Variants in MORC1 observed in about 807,000 individuals in gnomAD.
MORC1 encodes MORC family CW-type zinc finger protein 1.
In MORC1, 59 loss-of-function variants were observed where a neutral mutation model predicts 134.9. That is an observed-to-expected ratio of 0.44 (90% confidence interval 0.35 to 0.54). The LOEUF (loss-of-function observed/expected upper bound fraction) is 0.54. MORC1 is among the 20% of genes least tolerant of loss of function. The probability of loss-of-function intolerance (pLI) is 0.00; values close to 1 mark genes in which losing one functional copy is unlikely to be tolerated. For missense variants in MORC1, 947 were observed against 1,134.5 expected (o/e 0.83, Z 2.37); for synonymous variants, 395 against 391.7 (o/e 1.01, Z -0.10).
rs757895056 is a variant in MORC1 at position 109,027,877 on chromosome 3, T to C, written c.1578A>G (p.Val526=). 2 of 1,613,354 alleles carry C rather than the reference T, an allele frequency of 1.2e-6. No homozygotes were observed. Among genetic ancestry groups the C allele is most frequent in the Admixed American group, 3.3e-5 (2 of 59,874 alleles). The stretch of plus-strand genomic sequence containing the variant: ...CCAGTGGGATGGAAGGTAGACATTC[T>C]ACCTGATGACAACTTCAGAATCAAC... The part of the protein sequence containing the change: ...PNRLENSCHQ[V]ECLPSIPLGT... The change falls in exon 17 of 28, where the codon GTA becomes GTG. Residue 526 remains valine (V), a synonymous_variant. Transcript: ENST00000232603.
At chr3:109,073,009 G>C (rs887819847) in intron 8 of MORC1, among the ~76,000 whole-genome samples, 2 of 151,706 alleles carry the variant, frequency 1.3e-5, no homozygotes, top group African/African-American at 4.9e-5. Context: ...TGTGGGGAAA[G>C]AGGAGAGTAT....
At chr3:108,979,104 C>T (rs1947641454) in intron 24 of MORC1, among the ~76,000 whole-genome samples, 1 of 152,104 alleles carries the variant, frequency 6.6e-6, no homozygotes, top group Non-Finnish European at 1.5e-5. Flanking sequence ...CAAATGTTAA[C>T]ATTCTACACA....
Position 109,027,828 on chromosome 3 carries a change from A to G in MORC1, c.1627T>C (p.Ser543Pro). Residue 543 changes from serine to proline, a missense_variant, in exon 17 of 28, where the codon TCA (serine) becomes CCA (proline). Around this residue, in one of 3 missense-constraint regions of MORC1, gnomAD observed 722 missense variants for 817.0 expected, o/e 0.88. Transcript: ENST00000232603. ...PLGTMSTISPSKNEKEKQLRE... is the reference protein window; with the variant it reads ...PLGTMSTISPPKNEKEKQLRE... ...AGTTGCTTCTCTTTCTCATTTTTTG[A>G]TGGTGATATTGTGCTCATGGTGCCC... 1 of 1,613,634 alleles carries G rather than the reference A, an allele frequency of 6.2e-7. No individual in the cohort carries two copies. Among genetic ancestry groups the G allele is most frequent in the Non-Finnish European group, 8.5e-7 (1 of 1,179,784 alleles).
intron 8 of MORC1, among the ~76,000 whole-genome samples, chr3:109,079,258 A>G (rs550128744): frequency 6.6e-6 from 1 of 152,272 alleles, no homozygotes; most frequent in South Asian, 2.1e-4. Flanking sequence ...ATGTAAAAGA[A>G]TAATACATCA....
intron 22 of MORC1, 136 bp from the exon 23 acceptor site, chr3:108,984,918 C>T (rs1427430949): frequency 2.2e-5 from 14 of 623,990 alleles, no homozygotes. Flanking sequence ...AAAACTGTAC[C>T]AGTTGTAACG....
chr3:109,026,638 G>A (rs886152817), intron 17 of MORC1, among the ~76,000 whole-genome samples: 2 of 152,108 alleles, frequency 1.3e-5, no homozygotes, highest in Non-Finnish European at 2.9e-5. Flanking sequence ...TGGTAAATAA[G>A]AAACAAAATT....
intron 14 of MORC1, among the ~76,000 whole-genome samples, chr3:109,053,851 G>A (rs968446854): frequency 1.3e-5 from 2 of 152,082 alleles, no homozygotes; most frequent in Non-Finnish European, 2.9e-5. Flanking sequence ...TGAGGAGTGA[G>A]GTGATCTAAA....
At chr3:108,980,241 T>A (rs1458556613) in intron 23 of MORC1, among the ~76,000 whole-genome samples, 1 of 152,190 alleles carries the variant, frequency 6.6e-6, no homozygotes, top group Non-Finnish European at 1.5e-5. Context: ...GAGGGCAAGT[T>A]CATGTAACTT....
At chr3:109,097,870 T>C (rs1482795877) in intron 6 of MORC1, among the ~76,000 whole-genome samples, 1 of 152,158 alleles carries the variant, frequency 6.6e-6, no homozygotes, top group African/African-American at 2.4e-5. Flanking sequence ...AATATTGTCA[T>C]AGCTAAAATT....
intron 17 of MORC1, among the ~76,000 whole-genome samples, chr3:109,025,691 T>A (rs1247480998): frequency 6.6e-6 from 1 of 152,154 alleles, no homozygotes; most frequent in African/African-American, 2.4e-5. Context: ...CACCCCTATA[T>A]AACTTTCTTT....
At chr3:109,106,339 T>C (rs1377624142) in intron 3 of MORC1, among the ~76,000 whole-genome samples, 1 of 152,182 alleles carries the variant, frequency 6.6e-6, no homozygotes, top group African/African-American at 2.4e-5. Context: ...AGACCAAAGA[T>C]TCCCATCAGA....
rs1262442134 is a variant in MORC1, at chr3:109,027,771, G to C, written c.1684C>G (p.Leu562Val). ...RESVIKYQNR[L>V]AEQQPQPQFI... ...CTCACCTGTGGCTGCTGTTCTGCCAGTCTATTTTGATACTTTATGACCGAC... is the reference window on the plus strand; with the variant it reads ...CTCACCTGTGGCTGCTGTTCTGCCACTCTATTTTGATACTTTATGACCGAC... Residue 562 changes from leucine (L) to valine (V), a missense_variant, in exon 17 of 28, where the codon CTG (leucine) becomes GTG (valine). Coordinates refer to ENST00000232603, the MANE Select transcript of MORC1 (RefSeq NM_014429.4). The C allele has an allele frequency of 7.4e-6, 12 of 1,613,680 alleles. No homozygotes were observed. The highest frequency in any genetic ancestry group is 1.3e-5 in the African/African-American group (1 of 74,862).
intron 8 of MORC1, among the ~76,000 whole-genome samples, chr3:109,073,671 A>C (rs983955680): frequency 3.3e-5 from 5 of 152,216 alleles, no homozygotes; most frequent in African/African-American, 4.8e-5. Flanking sequence ...ATATCTCAGA[A>C]GTGCCATATT....
intron 14 of MORC1, among the ~76,000 whole-genome samples, chr3:109,053,497 C>T (rs1167965409): frequency 1.3e-5 from 2 of 151,462 alleles, no homozygotes; most frequent in Non-Finnish European, 2.9e-5. Flanking sequence ...AGCTAGAGGC[C>T]GTTATCCTAA....
At chr3:109,005,045 T>A in intron 19 of MORC1, 25 bp downstream of exon 19, 1 of 1,593,214 alleles carries the variant, frequency 6.3e-7, no homozygotes, top group Non-Finnish European at 8.5e-7. Context: ...TGAATTGTTT[T>A]GTGAATAAGA....
At chr3:109,040,055 G>A (rs1949472848) in intron 14 of MORC1, among the ~76,000 whole-genome samples, 1 of 151,876 alleles carries the variant, frequency 6.6e-6, no homozygotes, top group Admixed American at 6.6e-5. Context: ...AACCTTAAGT[G>A]TATAGCTCAG....
chr3:109,025,782 T>C (rs1388987038), intron 17 of MORC1, among the ~76,000 whole-genome samples: 1 of 152,206 alleles, frequency 6.6e-6, no homozygotes, highest in Non-Finnish European at 1.5e-5. Flanking sequence ...TGTGAATTAA[T>C]ATTACTTTAT....
At chr3:109,103,345 T>A (rs972232763) in intron 4 of MORC1, among the ~76,000 whole-genome samples, 14 of 152,190 alleles carry the variant, frequency 9.2e-5, no homozygotes, top group Admixed American at 7.9e-4. Flanking sequence ...ATATTGTAGA[T>A]GTATTCTTTA....
intron 14 of MORC1, among the ~76,000 whole-genome samples, chr3:109,053,312 C>T (rs1949873639): frequency 2.0e-5 from 3 of 152,126 alleles, no homozygotes; most frequent in Admixed American, 2.0e-4. Flanking sequence ...CGAAAGGACA[C>T]ATGCACCCAC....
Sources: gnomAD v4.1 joint callset for allele counts (sites outside exome capture counted in the v4.1 genomes callset) on GRCh38, gnomAD v4.1.1 for gene constraint, gnomAD v4.1.1 regional missense constraint, MANE v1.5 for transcripts, NCBI Gene and HGNC (gene_info 2026-07-23, HGNC 2026-07-21) for gene names.